Variants in MYLIP observed in about 807,000 individuals in gnomAD.
MYLIP encodes the protein myosin regulatory light chain interacting protein, also known as E3 ubiquitin-protein ligase MYLIP.
A neutral mutation model predicts 45.8 loss-of-function variants in MYLIP; 26 were observed. The ratio of observed to expected loss-of-function variants is 0.57; its 90% CI spans 0.42 to 0.79. The LOEUF (loss-of-function observed/expected upper bound fraction) is 0.79. Ranked by LOEUF, MYLIP falls within the 30% of genes least tolerant of loss-of-function variation. The probability of loss-of-function intolerance (pLI) is 0.00; values close to 1 mark genes in which losing one functional copy is unlikely to be tolerated. For synonymous variants in MYLIP, 213 were observed against 218.1 expected (o/e 0.98, Z 0.21); for missense variants, 494 against 555.6 (o/e 0.89, Z 1.11).
intron 6 of MYLIP, 85 bp downstream of exon 6, chr6:16,145,402 T>C (rs1392820137): frequency 1.5e-5 from 22 of 1,435,094 alleles, no homozygotes; most frequent in Non-Finnish European, 2.0e-5. Flanking sequence ...ACTGGCTCGC[T>C]AATGCACAGA....
In MYLIP at chr6:16,129,264, G is replaced by A. The variant is rs1759402671; in HGVS notation, c.-59G>A. On this transcript the variant is annotated 5_prime_UTR_variant, in exon 1 of 7. Transcript: ENST00000356840. The surrounding 1 kb of genome is among the most constrained non-coding windows in gnomAD (Gnocchi z 5.1). Reference sequence around the variant, plus strand: ...GGGGCTGGGTCCCACCAGTGACAAGGCGGCAGCCCCGCGCACACCAAAGAG... The same window carrying A: ...GGGGCTGGGTCCCACCAGTGACAAGACGGCAGCCCCGCGCACACCAAAGAG... 5 of 1,524,362 alleles carry A rather than the reference G, an allele frequency of 3.3e-6. No individual in the cohort carries two copies. The African/African-American group carries it at 6.9e-5, about 21-fold the overall frequency. 94.4% of individuals were successfully genotyped at this position (1,524,362 alleles called of 1,614,324 possible).
intron 3 of MYLIP, 61 bp from the exon 4 acceptor site, chr6:16,142,959 A>C (rs1759703822): frequency 6.6e-7 from 1 of 1,505,312 alleles, no homozygotes; most frequent in African/African-American, 1.4e-5. Flanking sequence ...AAGACTACAT[A>C]GGTTTATCTC....
the MYLIP span, among the ~76,000 whole-genome samples, chr6:16,156,564 G>A: frequency 6.6e-6 from 1 of 152,208 alleles, no homozygotes; most frequent in African/African-American, 2.4e-5. Context: ...CTTTATGGAG[G>A]AAATCAATTA....
the MYLIP span, among the ~76,000 whole-genome samples, chr6:16,155,480 T>C: frequency 6.6e-6 from 1 of 152,204 alleles, no homozygotes; most frequent in African/African-American, 2.4e-5. Context: ...GAAAAATACT[T>C]TTCTGTGAAT....
At chr6:16,137,118 G>C (rs1410188583) in intron 2 of MYLIP, among the ~76,000 whole-genome samples, 2 of 152,152 alleles carry the variant, frequency 1.3e-5, no homozygotes, top group Admixed American at 1.3e-4. Flanking sequence ...ATACTCTTAA[G>C]TTTTGTTTCT....
chr6:16,160,556 C>T, the MYLIP span, among the ~76,000 whole-genome samples: 2 of 152,128 alleles, frequency 1.3e-5, no homozygotes, highest in African/African-American at 4.8e-5. Context: ...AATCCCAGCA[C>T]TTTGGGAGGC....
At chr6:16,134,935 G>A (rs933847337) in intron 2 of MYLIP, among the ~76,000 whole-genome samples, 2 of 152,154 alleles carry the variant, frequency 1.3e-5, no homozygotes, top group East Asian at 1.9e-4. Context: ...TTCAAGGAAG[G>A]TTTTTAAAAC....
chr6:16,137,850 A>C (rs1474645560), intron 2 of MYLIP, among the ~76,000 whole-genome samples: 2 of 151,566 alleles, frequency 1.3e-5, no homozygotes, highest in Admixed American at 6.6e-5. Context: ...TTCATTTTTA[A>C]AATTAAAATT....
intron 5 of MYLIP, among the ~76,000 whole-genome samples, chr6:16,144,275 C>T (rs2113562788): frequency 6.6e-6 from 1 of 152,046 alleles, no homozygotes; most frequent in East Asian, 1.9e-4. Flanking sequence ...GTTTGATTAC[C>T]CTAAAGGTAA....
Position 16,143,164 on chromosome 6 carries a change from G to T in MYLIP, c.609G>T (p.Gly203=), listed in dbSNP as rs757775049. The change falls in exon 4 of 7, where the codon GGG becomes GGT. Residue 203 remains glycine (G), a synonymous_variant. Transcript: ENST00000356840. ...RDSEGQKLLI[G]VGPEGISICK... Reference sequence around the variant, plus strand: ...GCGAAGGGCAGAAACTGCTCATTGGGGTTGGACCTGAAGGAATCTCAATTT... The same window carrying T: ...GCGAAGGGCAGAAACTGCTCATTGGTGTTGGACCTGAAGGAATCTCAATTT... 6.2e-7 allele frequency: 1 copy of T among 1,614,144 alleles called. No homozygotes were observed. Among genetic ancestry groups the T allele is most frequent in the Non-Finnish European group, 8.5e-7 (1 of 1,180,034 alleles).
At chr6:16,146,565 A>G in intron 6 of MYLIP, 97 bp from the exon 7 acceptor site, 1 of 896,420 alleles carries the variant, frequency 1.1e-6, no homozygotes, top group Non-Finnish European at 1.8e-6. Flanking sequence ...ATTGATTTAG[A>G]AAATTAAATG....
At chr6:16,162,785 T>TAAAAAAACAAAAAAAAAAAAAAAAAAAAA in the MYLIP span, among the ~76,000 whole-genome samples, 1 of 69,616 alleles carries the variant, frequency 1.4e-5, no homozygotes, top group Non-Finnish European at 2.4e-5. Context: ...ACCTCAACTC[T>TAAAAAAACAAAAAAAAAAAAAAAAAAAAA]AAAAAAAAAA....
At chr6:16,154,874 A>AT in the MYLIP span, among the ~76,000 whole-genome samples, 1 of 152,128 alleles carries the variant, frequency 6.6e-6, no homozygotes, top group Non-Finnish European at 1.5e-5. Context: ...ATTACCACGC[A>AT]TTTTTATGGG....
At position 16,146,743 on chromosome 6, in the gene MYLIP, G is replaced by A; in HGVS notation, c.1330G>A (p.Val444Ile). ...PTHTSLLNLT[V>I]I Reference sequence around the variant, plus strand: ...GCACACCAGTCTTCTCAATCTGACTGTAATCTAATCTGTTGTGCTTTTGTT... The same window carrying A: ...GCACACCAGTCTTCTCAATCTGACTATAATCTAATCTGTTGTGCTTTTGTT... The change falls in exon 7 of 7, where the codon GTA becomes ATA. Residue 444 changes from valine (V) to isoleucine (I), a missense_variant. Coordinates refer to ENST00000356840, the MANE Select transcript of MYLIP (RefSeq NM_013262.4). The A allele has an allele frequency of 1.2e-6, 2 of 1,607,600 alleles. No homozygotes were observed. The highest frequency in any genetic ancestry group is 1.3e-5 in the African/African-American group (1 of 74,918).
At position 16,146,929 on chromosome 6, in the gene MYLIP, C is replaced by T. The variant is rs768976573; in HGVS notation, c.*178C>T. ...TCCTCACTGCAAAAACATATCCATG[C>T]GTAGAATCAACAACTCCAGTCATGG... is the stretch of plus-strand genomic sequence containing the variant. On this transcript the variant is annotated 3_prime_UTR_variant, in exon 7 of 7. Coordinates refer to ENST00000356840, the MANE Select transcript of MYLIP (RefSeq NM_013262.4). 8.4e-5 allele frequency: 44 copies of T among 523,202 alleles called. No homozygotes were observed. Among genetic ancestry groups the T allele is most frequent in the African/African-American group, 7.4e-4 (39 of 52,436 alleles). The allele number at this position is 523,202 out of a possible 1,614,324, so 32.4% of individuals were successfully genotyped here. A position where few individuals can be genotyped will look rare whatever the true frequency, so the allele number is the denominator to read the frequency against.
the MYLIP span, chr6:16,163,622 C>T: frequency 6.6e-6 from 1 of 152,084 alleles, no homozygotes; most frequent in Non-Finnish European, 1.5e-5. Context: ...ACTGAGTCAG[C>T]TCTCACTGGG....
At chr6:16,139,892 C>T (rs1160013205) in intron 2 of MYLIP, among the ~76,000 whole-genome samples, 1 of 152,156 alleles carries the variant, frequency 6.6e-6, no homozygotes, top group Non-Finnish European at 1.5e-5. Context: ...AGAGTTTCAT[C>T]ATTTTAAATA....
Position 16,129,469 on chromosome 6 carries a change from G to A in MYLIP, c.87+60G>A, listed in dbSNP as rs1076632. 8.5e-3 allele frequency: 12,735 copies of A among 1,492,334 alleles called. 627 individuals are homozygous for A. In the African/African-American group the frequency reaches 0.13, roughly 15 times the overall value. The allele number at this position is 1,492,334 out of a possible 1,614,324, so 92.4% of individuals were successfully genotyped here. A position where few individuals can be genotyped will look rare whatever the true frequency, so the allele number is the denominator to read the frequency against. On this transcript the variant is annotated intron_variant, in intron 1 of 6. Transcript: ENST00000356840. This position sits in a 1 kb window ranked among gnomAD's most constrained non-coding sequence, Gnocchi z 5.1. ...TCCCGCGAGGCCGAGGGGCCTCGCA[G>A]CGACGCCTGGCACTCTGGCGCGCCC...
the MYLIP span, among the ~76,000 whole-genome samples, chr6:16,155,718 T>C: frequency 5.9e-5 from 9 of 152,282 alleles, no homozygotes; most frequent in Non-Finnish European, 7.4e-5. Context: ...ATGCAGGAAC[T>C]GGGGTGAGTG....
Sources: allele counts gnomAD v4.1 joint callset (sites outside exome capture counted in the v4.1 genomes callset), GRCh38; gene constraint gnomAD v4.1.1; non-coding constraint Gnocchi (gnomAD v3.1); transcripts MANE v1.5; gene names NCBI Gene and HGNC (gene_info 2026-07-23, HGNC 2026-07-21).